The following SYNE1 variants were observed in gnomAD, a reference collection of about 807,000 sequenced individuals.
SYNE1 encodes the protein nesprin-1.
Under a neutral mutation model 1,111.0 loss-of-function variants are expected in SYNE1, and 616 were observed. The ratio of observed to expected loss-of-function variants is 0.55; its 90% CI spans 0.52 to 0.59. The LOEUF (loss-of-function observed/expected upper bound fraction) is 0.59, where lower values mean the gene tolerates loss of function less well. Among genes scored for constraint, SYNE1 ranks in the 20% least tolerant of loss-of-function variants. The pLI is 0.00. For missense variants in SYNE1, 10,006 were observed against 10,417.0 expected (o/e 0.96, Z 1.72); for synonymous variants, 3,855 against 3,825.8 (o/e 1.01, Z -0.28).
intron 14 of SYNE1, among the ~76,000 whole-genome samples, chr6:152,476,762 G>A (rs1179380486): frequency 2.0e-5 from 3 of 151,790 alleles, no homozygotes; most frequent in South Asian, 2.1e-4. Flanking sequence ...CCACCTTCTC[G>A]GGAGGCTAAG....
At chr6:152,482,345 A>C (rs1217269701) in intron 14 of SYNE1, among the ~76,000 whole-genome samples, 1 of 152,192 alleles carries the variant, frequency 6.6e-6, no homozygotes, top group Non-Finnish European at 1.5e-5. Flanking sequence ...AATATCAATA[A>C]TTTGGCAGAA....
chr6:152,589,239 C>T lies in SYNE1; in HGVS notation c.67+39026G>A, dbSNP rs1422513054. ...GTATTCTAATCCTTCCTTTTAGTGGCGATAATGGGTATTTGTTAGCCATTT... is the reference window on the plus strand; with the variant it reads ...GTATTCTAATCCTTCCTTTTAGTGGTGATAATGGGTATTTGTTAGCCATTT... On this transcript the variant is annotated intron_variant, in intron 3 of 145. Coordinates refer to ENST00000367255, the MANE Select transcript of SYNE1 (RefSeq NM_182961.4). 4.6e-5 allele frequency among the ~76,000 whole-genome samples: 7 copies of T among 151,758 alleles called. No homozygotes were observed. In the East Asian group the frequency reaches 7.7e-4, roughly 17 times the overall value.
chr6:152,256,898 C>G, intron 101 of SYNE1, 133 bp from the exon 102 acceptor site: 1 of 1,334,488 alleles, frequency 7.5e-7, no homozygotes, highest in East Asian at 2.4e-5. Flanking sequence ...AATATAACTT[C>G]TACAACATAC....
rs796941201 is a variant in SYNE1 at position 152,633,564 on chromosome 6, A to AT, written c.-224+3073dup. On this transcript the variant is annotated intron_variant, in intron 2 of 145. Coordinates refer to ENST00000367255, the MANE Select transcript of SYNE1 (RefSeq NM_182961.4). ...CACCCAATCAATAACCATCTGCTGC[A>AT]TTTTTTTTTTGTTCAGGACACAGAG... is the stretch of plus-strand genomic sequence containing the variant. Among the ~76,000 whole-genome samples, 1,451 of 146,566 alleles carry AT rather than the reference A, an allele frequency of 9.9e-3. 77 individuals carry two copies. The highest frequency in any genetic ancestry group is 0.036 in the African/African-American group (1,376 of 37,940).
intron 75 of SYNE1, among the ~76,000 whole-genome samples, chr6:152,337,836 T>G (rs1305369218): frequency 6.6e-6 from 1 of 152,206 alleles, no homozygotes; most frequent in Non-Finnish European, 1.5e-5. Context: ...TTTCAATAAA[T>G]CATTTCTGTA....
At chr6:152,533,656 T>C (rs1393253149) in intron 4 of SYNE1, among the ~76,000 whole-genome samples, 3 of 152,112 alleles carry the variant, frequency 2.0e-5, no homozygotes, top group African/African-American at 7.2e-5. Context: ...TCTCCCTCCT[T>C]CTGCCCTTGC....
chr6:152,568,050 C>G (rs958637907), intron 3 of SYNE1, among the ~76,000 whole-genome samples: 1 of 151,714 alleles, frequency 6.6e-6, no homozygotes, highest in African/African-American at 2.4e-5. Flanking sequence ...CTCTTTACAC[C>G]AAAATAAATA....
intron 87 of SYNE1, among the ~76,000 whole-genome samples, chr6:152,313,243 T>C (rs1275571133): frequency 6.6e-6 from 1 of 152,204 alleles, no homozygotes; most frequent in Non-Finnish European, 1.5e-5. Flanking sequence ...ATCAGGACAT[T>C]GCCTGAGTCT....
At chr6:152,563,830 C>A (rs1389651536) in intron 3 of SYNE1, among the ~76,000 whole-genome samples, 1 of 152,030 alleles carries the variant, frequency 6.6e-6, no homozygotes, top group Non-Finnish European at 1.5e-5. Flanking sequence ...CTGATTTGTT[C>A]TTTGAACTTT....
At chr6:152,150,624 T>C (rs2060245869) in intron 135 of SYNE1, among the ~76,000 whole-genome samples, 1 of 152,224 alleles carries the variant, frequency 6.6e-6, no homozygotes, top group Admixed American at 6.5e-5. Flanking sequence ...TCCATCTATC[T>C]TGGGAGGAAA....
chr6:152,390,488 G>A (rs1449960375), intron 52 of SYNE1, 36 bp from the exon 53 acceptor site: 15 of 1,604,856 alleles, frequency 9.3e-6, no homozygotes, highest in Non-Finnish European at 1.3e-5. Context: ...CAGTAGGCAT[G>A]TAAAAACCTT....
At chr6:152,605,111 A>AGGAG (rs2099611333) in intron 3 of SYNE1, among the ~76,000 whole-genome samples, 2 of 143,644 alleles carry the variant, frequency 1.4e-5, no homozygotes, top group Admixed American at 7.0e-5. Flanking sequence ...GAAGGAAGGA[A>AGGAG]GGAAGGAAGG....
chr6:152,563,649 G>A (rs537072982), intron 3 of SYNE1, among the ~76,000 whole-genome samples: 16 of 151,988 alleles, frequency 1.1e-4, no homozygotes, highest in African/African-American at 3.9e-4. Flanking sequence ...TAACTTCTAA[G>A]GGATTTTTGT....
At chr6:152,337,376 G>C (rs985806389) in intron 75 of SYNE1, among the ~76,000 whole-genome samples, 1 of 151,534 alleles carries the variant, frequency 6.6e-6, no homozygotes, top group African/African-American at 2.4e-5. Flanking sequence ...AGCAATCTCT[G>C]CCTCCCGGGT....
At chr6:152,375,230 G>A (rs1292280215) in intron 58 of SYNE1, among the ~76,000 whole-genome samples, 1 of 152,098 alleles carries the variant, frequency 6.6e-6, no homozygotes, top group Non-Finnish European at 1.5e-5. Context: ...GGTGTGAGCC[G>A]CCGCGCCTGG....
chr6:152,635,197 G>A (rs2099704123), intron 2 of SYNE1, among the ~76,000 whole-genome samples: 1 of 152,212 alleles, frequency 6.6e-6, no homozygotes, highest in East Asian at 1.9e-4. Flanking sequence ...GTTCTTAAAT[G>A]AGGTCAATGA....
At chr6:152,213,002 T>C in intron 123 of SYNE1, among the ~76,000 whole-genome samples, 1 of 152,190 alleles carries the variant, frequency 6.6e-6, no homozygotes, top group Non-Finnish European at 1.5e-5. Flanking sequence ...CATTCATAAA[T>C]ACACAAACTG....
intron 130 of SYNE1, among the ~76,000 whole-genome samples, chr6:152,170,340 A>G (rs1230536800): frequency 1.3e-5 from 2 of 152,216 alleles, no homozygotes; most frequent in East Asian, 1.9e-4. Flanking sequence ...TGGCATAGAC[A>G]TTGTTTTATA....
intron 125 of SYNE1, 56 bp from the exon 126 acceptor site, chr6:152,206,418 C>G: frequency 6.3e-7 from 1 of 1,599,432 alleles, no homozygotes; most frequent in South Asian, 1.1e-5. Context: ...GTTTCCTTCC[C>G]ATAAGGATTT....
Sources: gnomAD v4.1 joint callset for allele counts (sites outside exome capture counted in the v4.1 genomes callset) on GRCh38, gnomAD v4.1.1 for gene constraint, MANE v1.5 for transcripts, NCBI Gene and HGNC (gene_info 2026-07-23, HGNC 2026-07-21) for gene names.